Variants in CNOT4 observed in about 807,000 individuals in gnomAD.
CNOT4 encodes the protein CCR4-NOT transcription complex subunit 4, also known as CCR4-associated factor 4.
A neutral mutation model predicts 73.8 loss-of-function variants in CNOT4; 8 were observed. That is an observed-to-expected ratio of 0.11 (90% confidence interval 0.06 to 0.20). The LOEUF (loss-of-function observed/expected upper bound fraction) is 0.20. CNOT4 is among the 10% of genes least tolerant of loss of function. The pLI, the probability that CNOT4 is intolerant of heterozygous loss-of-function variation, is 1.00. For synonymous variants in CNOT4, 293 were observed against 321.1 expected (o/e 0.91, Z 0.94); for missense variants, 564 against 883.4 (o/e 0.64, Z 4.58).
At chr7:135,456,240 A>G (rs183847546) in intron 1 of CNOT4, among the ~76,000 whole-genome samples, 350 of 152,268 alleles carry the variant, frequency 2.3e-3, no homozygotes, top group Non-Finnish European at 3.2e-3. Context: ...ATTACAACAA[A>G]CTGATTTTTT....
intron 1 of CNOT4, among the ~76,000 whole-genome samples, chr7:135,454,407 A>T (rs1262644248): frequency 6.6e-6 from 1 of 151,790 alleles, no homozygotes; most frequent in Non-Finnish European, 1.5e-5. Context: ...TAATCTCAGC[A>T]CTCTGGGAGG....
chr7:135,382,829 T>C (rs1337695338), intron 10 of CNOT4, among the ~76,000 whole-genome samples: 4 of 152,318 alleles, frequency 2.6e-5, no homozygotes, highest in Admixed American at 2.0e-4. Flanking sequence ...ATGCAAATAC[T>C]ACACTGTCTT....
Position 135,363,765 on chromosome 7 carries a change from T to A in CNOT4, c.1840+89A>T. On this transcript the variant is annotated intron_variant, in intron 11 of 11. Transcript: ENST00000541284. The surrounding 1 kb of genome is among the most constrained non-coding windows in gnomAD (Gnocchi z 4.3). Reference sequence around the variant, plus strand: ...ACTTGCGGCTTTGTGAAAAGCAGCTTATGTTGAAGAGATCTCGGTTTTTAT... The same window carrying A: ...ACTTGCGGCTTTGTGAAAAGCAGCTAATGTTGAAGAGATCTCGGTTTTTAT... 9.4e-7 allele frequency: 1 copy of A among 1,068,052 alleles called. No homozygotes were observed. Among genetic ancestry groups the A allele is most frequent in the Non-Finnish European group, 1.3e-6 (1 of 742,726 alleles). The allele number at this position is 1,068,052 out of a possible 1,614,324, so 66.2% of individuals were successfully genotyped here. A position where few individuals can be genotyped will look rare whatever the true frequency, so the allele number is the denominator to read the frequency against.
intron 9 of CNOT4, 53 bp downstream of exon 9, chr7:135,395,581 T>C: frequency 1.9e-6 from 3 of 1,552,990 alleles, no homozygotes; most frequent in Non-Finnish European, 2.6e-6. Flanking sequence ...TGTTAGTCTG[T>C]CAACAATACG....
At chr7:135,435,258 T>C (rs546708378) in intron 2 of CNOT4, among the ~76,000 whole-genome samples, 2 of 152,214 alleles carry the variant, frequency 1.3e-5, no homozygotes, top group Non-Finnish European at 2.9e-5. Flanking sequence ...AGGAATTTTC[T>C]TCTATTAGTT....
rs183151575 is a variant in CNOT4, at chr7:135,482,107, A to G, written c.-93+27782T>C. 1.3e-3 allele frequency among the ~76,000 whole-genome samples: 204 copies of G among 152,338 alleles called. 1 individual carries two copies. Among genetic ancestry groups the G allele is most frequent in the African/African-American group, 4.6e-3 (192 of 41,570 alleles). On this transcript the variant is annotated intron_variant, in intron 1 of 11. Coordinates refer to ENST00000541284, the MANE Select transcript of CNOT4 (RefSeq NM_001190850.2). ...AAGAATTTTAAATGTTCCCAACACA[A>G]ATAATAAATATTAAAGGTGATAGAT...
chr7:135,400,214 C>A (rs752623763), intron 7 of CNOT4, among the ~76,000 whole-genome samples: 1 of 151,322 alleles, frequency 6.6e-6, no homozygotes, highest in Non-Finnish European at 1.5e-5. Context: ...TTTAGTTTAG[C>A]TAACAAATGG....
chr7:135,393,529 T>C (rs1796510221), intron 10 of CNOT4, among the ~76,000 whole-genome samples: 1 of 151,868 alleles, frequency 6.6e-6, no homozygotes, highest in African/African-American at 2.4e-5. Context: ...TTAATTATCA[T>C]TAAAAAAATT....
Position 135,430,343 on chromosome 7 carries a change from A to T in CNOT4, c.174+7815T>A, listed in dbSNP as rs191374190. ...TATCTTTGAGAAGAAAAGGTGATTTAAAAATTAACATAGGCCAGACGTAGT... is the reference window on the plus strand; with the variant it reads ...TATCTTTGAGAAGAAAAGGTGATTTTAAAATTAACATAGGCCAGACGTAGT... On this transcript the variant is annotated intron_variant, in intron 2 of 11. Coordinates refer to ENST00000541284, the MANE Select transcript of CNOT4 (RefSeq NM_001190850.2). 3.7e-4 allele frequency among the ~76,000 whole-genome samples: 56 copies of T among 152,334 alleles called. No individual in the cohort carries two copies. In the Middle Eastern group the frequency reaches 0.014, roughly 37 times the overall value.
rs117129005 is a variant in CNOT4 at position 135,488,540 on chromosome 7, C to G, written c.-93+21349G>C. 2.3e-3 allele frequency among the ~76,000 whole-genome samples: 343 copies of G among 152,226 alleles called. 13 individuals are homozygous for G. The East Asian group carries it at 0.054, about 24-fold the overall frequency. On this transcript the variant is annotated intron_variant, in intron 1 of 11. Coordinates refer to ENST00000541284, the MANE Select transcript of CNOT4 (RefSeq NM_001190850.2). ...AACTGAAATCTTTGAAGAAAAAAAG[C>G]TAATAGTGGCTGTTAGAGTCTAAGT...
chr7:135,398,544 A>G (rs1216592027), intron 7 of CNOT4, among the ~76,000 whole-genome samples: 1 of 152,070 alleles, frequency 6.6e-6, no homozygotes, highest in Non-Finnish European at 1.5e-5. Context: ...CCCAATAAGT[A>G]TAATGCAAGT....
intron 2 of CNOT4, among the ~76,000 whole-genome samples, chr7:135,426,602 CA>C (rs35332719): frequency 0.59 from 65,256 of 110,842 alleles, 16,619 homozygotes; most frequent in East Asian, 0.7. Context: ...GACTCCGTCT[CA>C]AAAAAAAAAA....
chr7:135,410,359 C>T (rs1367228259), intron 7 of CNOT4, among the ~76,000 whole-genome samples, 156 bp downstream of exon 7: 1 of 152,058 alleles, frequency 6.6e-6, no homozygotes, highest in Admixed American at 6.6e-5. Flanking sequence ...CATTCAAACC[C>T]AGAAATTGTG....
Position 135,363,224 on chromosome 7 carries a change from T to A in CNOT4, c.1841-38A>T. ...AAGAAAAAAGAGGGAAAATGGTGAG[T>A]TTGTGTGGAAAGAATAAGGTCGTCA... On this transcript the variant is annotated intron_variant, in intron 11 of 11. Coordinates refer to ENST00000541284, the MANE Select transcript of CNOT4 (RefSeq NM_001190850.2). The surrounding 1 kb of genome is among the most constrained non-coding windows in gnomAD (Gnocchi z 4.3). 1 of 1,589,284 alleles carries A rather than the reference T, an allele frequency of 6.3e-7. No homozygotes were observed. Among genetic ancestry groups the A allele is most frequent in the Non-Finnish European group, 8.6e-7 (1 of 1,161,708 alleles).
chr7:135,391,071 T>A (rs1013092851), intron 10 of CNOT4, among the ~76,000 whole-genome samples: 1 of 152,102 alleles, frequency 6.6e-6, no homozygotes, highest in Non-Finnish European at 1.5e-5. Flanking sequence ...CAGGTGCAAG[T>A]GAGTTACAAC....
chr7:135,433,107 G>A (rs182056916), intron 2 of CNOT4, among the ~76,000 whole-genome samples: 5 of 152,072 alleles, frequency 3.3e-5, no homozygotes, highest in African/African-American at 9.6e-5. Flanking sequence ...CTGTGATCTC[G>A]TCCTAGAGTA....
chr7:135,464,024 C>CCAA (rs1554440575), intron 1 of CNOT4, among the ~76,000 whole-genome samples: 1 of 109,638 alleles, frequency 9.1e-6, no homozygotes, highest in Non-Finnish European at 1.8e-5. Flanking sequence ...ATTAAAAAGT[C>CCAA]AAAAAAAAAA....
chr7:135,396,321 A>G (rs7777251), intron 8 of CNOT4, among the ~76,000 whole-genome samples: 141,688 of 151,870 alleles, frequency 0.93, 66,151 homozygotes, highest in Non-Finnish European at 0.95. Flanking sequence ...GTTTCACCGC[A>G]TTATCCAGGA....
At chr7:135,483,177 AAT>A (rs562049746) in intron 1 of CNOT4, among the ~76,000 whole-genome samples, 2 of 144,502 alleles carry the variant, frequency 1.4e-5, no homozygotes, top group South Asian at 2.3e-4. Context: ...TCTACAAAAA[AAT>A]TTAAAAAAAA....
Sources: allele counts gnomAD v4.1 joint callset (sites outside exome capture counted in the v4.1 genomes callset), GRCh38; gene constraint gnomAD v4.1.1; non-coding constraint Gnocchi (gnomAD v3.1); transcripts MANE v1.5; gene names NCBI Gene and HGNC (gene_info 2026-07-23, HGNC 2026-07-21).